GPC6: variants seen among roughly 807,000 people sequenced by gnomAD.
The protein encoded by GPC6 is glypican-6.
GPC6 carries 14 observed loss-of-function variants against 55.2 expected under a neutral mutation model. The observed-to-expected ratio is 0.25, with a 90% confidence interval of 0.17 to 0.40. GPC6 has a LOEUF of 0.40. Ranked by LOEUF, GPC6 falls within the 10% of genes least tolerant of loss-of-function variation. The pLI is 1.00. For missense variants in GPC6, 641 were observed against 708.5 expected (o/e 0.90, Z 1.08); for synonymous variants, 278 against 259.6 (o/e 1.07, Z -0.68).
At chr13:93,749,303 C>A (rs1884500736) in intron 2 of GPC6, among the ~76,000 whole-genome samples, 1 of 151,808 alleles carries the variant, frequency 6.6e-6, no homozygotes, top group African/African-American at 2.4e-5. Context: ...ATATTTTAAC[C>A]ATATTATAAT....
rs139965440 is a variant in GPC6 at position 93,617,959 on chromosome 13, T to A, written c.319+72538T>A. On this transcript the variant is annotated intron_variant, in intron 2 of 8. Transcript: ENST00000377047. ...AGGAAATAGCTTGCTGCCCATCCATTATTAAAAGGAGATTTGTATTTCCCA... is the reference window on the plus strand; with the variant it reads ...AGGAAATAGCTTGCTGCCCATCCATAATTAAAAGGAGATTTGTATTTCCCA... Among the ~76,000 whole-genome samples the A allele has an allele frequency of 1.7e-3, 261 of 152,214 alleles. 1 individual carries two copies. Among genetic ancestry groups the A allele is most frequent in the African/African-American group, 5.7e-3 (235 of 41,544 alleles).
At chr13:93,923,379 CG>C (rs1290624054) in intron 3 of GPC6, among the ~76,000 whole-genome samples, 5 of 152,042 alleles carry the variant, frequency 3.3e-5, no homozygotes, top group Non-Finnish European at 5.9e-5. Flanking sequence ...ACAGATGATT[CG>C]GTGACTGGGT....
chr13:94,325,109 G>C (rs1346762811), intron 6 of GPC6, among the ~76,000 whole-genome samples: 1 of 152,012 alleles, frequency 6.6e-6, no homozygotes, highest in Non-Finnish European at 1.5e-5. Context: ...ACTTTCATAA[G>C]TGCCTCTGTT....
At chr13:93,223,019 C>CTTTTTTTTTTTTTTTTTTTTTT (rs3073915), upstream of GPC6, among the ~76,000 whole-genome samples, 3 of 100,814 alleles carry the variant, frequency 3.0e-5, no homozygotes, top group African/African-American at 7.6e-5. Flanking sequence ...AGGGAAAACA[C>CTTTTTTTTTTTTTTTTTTTTTT]TTTTTTTTTT....
chr13:93,507,413 C>A (rs2389006), intron 1 of GPC6, among the ~76,000 whole-genome samples: 132,288 of 152,106 alleles, frequency 0.87, 58,107 homozygotes, highest in Non-Finnish European at 0.92. Context: ...AACGAAGATG[C>A]AACTAACTCC....
Position 93,534,013 on chromosome 13 carries a change from C to G in GPC6, c.161-11250C>G, listed in dbSNP as rs115913782. Among the ~76,000 whole-genome samples the G allele has an allele frequency of 1.7e-3, 256 of 152,134 alleles. 1 individual carries two copies. The highest frequency in any genetic ancestry group is 5.9e-3 in the African/African-American group (247 of 41,526). On this transcript the variant is annotated intron_variant, in intron 1 of 8. Transcript: ENST00000377047. Reference sequence around the variant, plus strand: ...GAAGCTGGAGAAACAGGAGAAGAAGCCTTAATGAAGGGAAAGAAATGACTG... The same window carrying G: ...GAAGCTGGAGAAACAGGAGAAGAAGGCTTAATGAAGGGAAAGAAATGACTG...
intron 1 of GPC6, among the ~76,000 whole-genome samples, chr13:93,228,196 G>A (rs1210232870): frequency 6.6e-6 from 1 of 152,180 alleles, no homozygotes; most frequent in Non-Finnish European, 1.5e-5. Flanking sequence ...ACCCTCGCCG[G>A]GGACCTGGCC....
chr13:93,363,036 T>C (rs1334299403), intron 1 of GPC6, among the ~76,000 whole-genome samples: 1 of 152,064 alleles, frequency 6.6e-6, no homozygotes, highest in African/African-American at 2.4e-5. Flanking sequence ...CAAAATGTAT[T>C]AGTATCTCTA....
intron 1 of GPC6, among the ~76,000 whole-genome samples, chr13:93,362,632 T>C (rs1445756509): frequency 2.0e-5 from 3 of 152,090 alleles, no homozygotes; most frequent in Non-Finnish European, 4.4e-5. Context: ...TTAGATTGAC[T>C]GAACTTATTC....
chr13:94,155,690 A>T (rs1887907092), intron 4 of GPC6, among the ~76,000 whole-genome samples: 1 of 152,094 alleles, frequency 6.6e-6, no homozygotes, highest in South Asian at 2.1e-4. Flanking sequence ...TGATACGCAA[A>T]TCTGATTAAC....
At chr13:93,626,342 TC>T (rs1879199945) in intron 2 of GPC6, among the ~76,000 whole-genome samples, 1 of 152,202 alleles carries the variant, frequency 6.6e-6, no homozygotes, top group Non-Finnish European at 1.5e-5. Flanking sequence ...GGCCATGTGT[TC>T]CTGCACAAGG....
intron 6 of GPC6, among the ~76,000 whole-genome samples, chr13:94,357,947 C>A (rs1566715581): frequency 6.6e-6 from 1 of 152,202 alleles, no homozygotes; most frequent in East Asian, 1.9e-4. Flanking sequence ...GTATCTTGCA[C>A]AGAGAAAACC....
chr13:93,989,809 G>T (rs1214927475), intron 3 of GPC6, among the ~76,000 whole-genome samples: 2 of 151,826 alleles, frequency 1.3e-5, no homozygotes, highest in Non-Finnish European at 2.9e-5. Flanking sequence ...GATATTTGGT[G>T]CCAGTCCTAA....
chr13:93,297,869 G>A (rs893827007), intron 1 of GPC6, among the ~76,000 whole-genome samples: 35 of 152,176 alleles, frequency 2.3e-4, no homozygotes, highest in Admixed American at 9.2e-4. Context: ...CATAAGTAGG[G>A]TGTGGGGAGA....
At chr13:94,140,656 A>G (rs1356901173) in intron 4 of GPC6, among the ~76,000 whole-genome samples, 1 of 152,174 alleles carries the variant, frequency 6.6e-6, no homozygotes, top group Non-Finnish European at 1.5e-5. Flanking sequence ...CACTGTCTTC[A>G]GCAATTTTAT....
intron 1 of GPC6, among the ~76,000 whole-genome samples, chr13:93,312,529 C>G (rs1191725060): frequency 1.3e-5 from 2 of 152,184 alleles, no homozygotes; most frequent in African/African-American, 4.8e-5. Flanking sequence ...TCTTTAAAGA[C>G]TTGGCATAAT....
chr13:93,776,003 A>G (rs1489812069), intron 2 of GPC6, among the ~76,000 whole-genome samples: 2 of 132,674 alleles, frequency 1.5e-5, no homozygotes, highest in Non-Finnish European at 3.1e-5. Flanking sequence ...AAAACACATG[A>G]TTCGGTTTCA....
At chr13:94,377,791 C>T (rs1320584154) in intron 6 of GPC6, among the ~76,000 whole-genome samples, 1 of 152,106 alleles carries the variant, frequency 6.6e-6, no homozygotes, top group Non-Finnish European at 1.5e-5. Context: ...GACTTGGAAC[C>T]AACCCAAATG....
chr13:93,314,712 GGTGTGTGTGTGTGTGTGTGTGT>G (rs370613459), intron 1 of GPC6, among the ~76,000 whole-genome samples: 2 of 147,664 alleles, frequency 1.4e-5, no homozygotes, highest in Non-Finnish European at 3.0e-5. Context: ...AACAAGGAGG[GGTGTGTGTGTGTGTGTGTGTGT>G]GTGTGTGTGT....
Sources: allele counts gnomAD v4.1 joint callset (sites outside exome capture counted in the v4.1 genomes callset), GRCh38; gene constraint gnomAD v4.1.1; transcripts MANE v1.5; gene names NCBI Gene and HGNC (gene_info 2026-07-23, HGNC 2026-07-21).